Variants in CADPS2 observed in about 807,000 individuals in gnomAD.
The protein encoded by CADPS2 is calcium dependent secretion activator 2.
Under a neutral mutation model 172.5 loss-of-function variants are expected in CADPS2, and 93 were observed. That is an observed-to-expected ratio of 0.54 (90% CI 0.46 to 0.64). The LOEUF (loss-of-function observed/expected upper bound fraction) is 0.64, where lower values mean the gene tolerates loss of function less well. Among genes scored for constraint, CADPS2 ranks in the 30% least tolerant of loss-of-function variants. The pLI is 0.00. For missense variants in CADPS2, 1,420 were observed against 1,565.9 expected, an observed-to-expected ratio of 0.91 and a Z score of 1.57; for synonymous variants, 546 against 555.2, an observed-to-expected ratio of 0.98 and a Z score of 0.23.
chr7:122,785,600 T>G (rs1197085858), intron 1 of CADPS2, among the ~76,000 whole-genome samples: 1 of 152,120 alleles, frequency 6.6e-6, no homozygotes, highest in Non-Finnish European at 1.5e-5. Context: ...TGGAAAGCCT[T>G]TTTGCTCTCA....
At chr7:122,518,105 C>T (rs1208327531) in intron 8 of CADPS2, among the ~76,000 whole-genome samples, 2 of 151,880 alleles carry the variant, frequency 1.3e-5, no homozygotes, top group East Asian at 1.9e-4. Context: ...AGATTTTGTT[C>T]ATTACATTTA....
At chr7:122,493,277 T>A (rs775792861) in intron 9 of CADPS2, among the ~76,000 whole-genome samples, 2 of 152,114 alleles carry the variant, frequency 1.3e-5, no homozygotes, top group Non-Finnish European at 2.9e-5. Context: ...TCTCTGTACC[T>A]GAGGCCAAAA....
At position 122,575,431 on chromosome 7, in the gene CADPS2, CTCT is replaced by C. The variant is rs1161902028; in HGVS notation, c.1335+5745_1335+5747del. 4.0e-5 allele frequency among the ~76,000 whole-genome samples: 6 copies of C among 151,136 alleles called. No homozygotes were observed. The East Asian group carries it at 1.2e-3, about 29-fold the overall frequency. ...TGTTCAATTCTTTTTCTTTTCTTTT[CTCT>C]TCTTTTCCTTTTTTTTTTTTGAAAT... is the stretch of plus-strand genomic sequence containing the variant. On this transcript the variant is annotated intron_variant, in intron 7 of 29. Coordinates refer to ENST00000449022, the MANE Select transcript of CADPS2 (RefSeq NM_017954.11).
chr7:122,642,886 A>G (rs906845565), intron 3 of CADPS2, among the ~76,000 whole-genome samples: 1 of 152,152 alleles, frequency 6.6e-6, no homozygotes, highest in African/African-American at 2.4e-5. Context: ...CTTAGTCCCC[A>G]CACCAATTAT....
chr7:122,359,746 C>T (rs538853880), intron 27 of CADPS2, among the ~76,000 whole-genome samples: 163 of 152,014 alleles, frequency 1.1e-3, no homozygotes, highest in African/African-American at 3.7e-3. Context: ...AGGTACAGGA[C>T]GAGGAGGGTA....
intron 29 of CADPS2, among the ~76,000 whole-genome samples, chr7:122,320,657 C>T (rs1452756947): frequency 6.6e-6 from 1 of 151,978 alleles, no homozygotes; most frequent in Non-Finnish European, 1.5e-5. Flanking sequence ...AAAATATGTA[C>T]CTGTGTAAGT....
At chr7:122,464,096 CAAT>C (rs2054824559) in intron 14 of CADPS2, among the ~76,000 whole-genome samples, 2 of 152,230 alleles carry the variant, frequency 1.3e-5, no homozygotes, top group Middle Eastern at 3.4e-3. Context: ...CAAACAACAA[CAAT>C]AACAAAACCA....
At chr7:122,836,538 T>C (rs932460915) in intron 1 of CADPS2, among the ~76,000 whole-genome samples, 4 of 151,988 alleles carry the variant, frequency 2.6e-5, no homozygotes, top group Admixed American at 6.6e-5. Context: ...GAGACACATC[T>C]CACGTGCAGA....
chr7:122,592,485 T>A (rs2070997603), intron 6 of CADPS2, among the ~76,000 whole-genome samples: 1 of 152,176 alleles, frequency 6.6e-6, no homozygotes, highest in African/African-American at 2.4e-5. Flanking sequence ...ATCCCATTAC[T>A]GGGTATATAC....
chr7:122,358,474 C>T lies in CADPS2; in HGVS notation c.3504+2314G>A, dbSNP rs149967991. Among the ~76,000 whole-genome samples, 179 of 152,050 alleles carry T rather than the reference C, an allele frequency of 1.2e-3. 2 individuals carry two copies. The highest frequency in any genetic ancestry group is 4.2e-3 in the African/African-American group (174 of 41,518). ...TTATCAATTTTTAAGTTCAATTTAT[C>T]AATTTTTTTTCTTTCATGAATTATG... On this transcript the variant is annotated intron_variant, in intron 27 of 29. Transcript: ENST00000449022.
chr7:122,684,195 A>G (rs775067685), intron 2 of CADPS2, among the ~76,000 whole-genome samples: 1 of 152,146 alleles, frequency 6.6e-6, no homozygotes, highest in Non-Finnish European at 1.5e-5. Flanking sequence ...ACTTATATCC[A>G]TCAGCCTGTG....
At chr7:122,830,391 A>C (rs1806182175) in intron 1 of CADPS2, among the ~76,000 whole-genome samples, 1 of 147,324 alleles carries the variant, frequency 6.8e-6, no homozygotes, top group South Asian at 2.2e-4. Context: ...TTATTCTGAC[A>C]CTGCTAAAAA....
intron 22 of CADPS2, among the ~76,000 whole-genome samples, chr7:122,389,336 G>A (rs965505054): frequency 1.3e-5 from 2 of 151,914 alleles, no homozygotes; most frequent in African/African-American, 4.8e-5. Context: ...TTAGTGCAAG[G>A]TATTGTCTGA....
intron 20 of CADPS2, among the ~76,000 whole-genome samples, chr7:122,396,841 A>T (rs1362227177): frequency 1.3e-5 from 2 of 152,210 alleles, no homozygotes; most frequent in East Asian, 3.9e-4. Context: ...ACAAGGATGT[A>T]AGGTTCTCAA....
At chr7:122,513,612 C>A (rs1430670451) in intron 8 of CADPS2, among the ~76,000 whole-genome samples, 6 of 152,202 alleles carry the variant, frequency 3.9e-5, no homozygotes, top group African/African-American at 9.6e-5. Flanking sequence ...TTTATTCTTA[C>A]ATGCAATTCT....
At chr7:122,324,486 C>T (rs1391965133) in intron 29 of CADPS2, among the ~76,000 whole-genome samples, 1 of 152,024 alleles carries the variant, frequency 6.6e-6, no homozygotes, top group African/African-American at 2.4e-5. Flanking sequence ...TGGGTTCCAC[C>T]CTCGGAATTT....
chr7:122,804,210 G>A (rs1798306934), intron 1 of CADPS2, among the ~76,000 whole-genome samples: 2 of 152,276 alleles, frequency 1.3e-5, no homozygotes, highest in East Asian at 1.9e-4. Flanking sequence ...GGCATTAGCA[G>A]AACCAGTATT....
intron 2 of CADPS2, among the ~76,000 whole-genome samples, chr7:122,682,264 G>C (rs1293109309): frequency 6.6e-6 from 1 of 152,142 alleles, no homozygotes; most frequent in East Asian, 1.9e-4. Flanking sequence ...GTTCATCATG[G>C]AAAAGGGAGC....
At chr7:122,465,866 A>G (rs1184372319) in intron 14 of CADPS2, among the ~76,000 whole-genome samples, 4 of 152,212 alleles carry the variant, frequency 2.6e-5, no homozygotes, top group Non-Finnish European at 4.4e-5. Context: ...AGAAAGTAAA[A>G]TAACAAGCCA....
Sources: gnomAD v4.1 joint callset for allele counts (sites outside exome capture counted in the v4.1 genomes callset) on GRCh38, gnomAD v4.1.1 for gene constraint, MANE v1.5 for transcripts, NCBI Gene and HGNC (gene_info 2026-07-23, HGNC 2026-07-21) for gene names.